The following GMDS variants were observed in gnomAD, a reference collection of about 807,000 sequenced individuals.
The protein encoded by GMDS is GDP-mannose 4,6-dehydratase.
Under a neutral mutation model 49.9 loss-of-function variants are expected in GMDS, and 20 were observed. That is an observed-to-expected ratio of 0.40 (90% CI 0.28 to 0.58). GMDS has a LOEUF of 0.58. Among genes scored for constraint, GMDS ranks in the 20% least tolerant of loss-of-function variants. The pLI is 0.42. For synonymous variants in GMDS, 177 were observed against 178.6 expected, an observed-to-expected ratio of 0.99 and a Z score of 0.07; for missense variants, 362 against 481.4, an observed-to-expected ratio of 0.75 and a Z score of 2.32.
intron 7 of GMDS, among the ~76,000 whole-genome samples, chr6:1,820,494 T>A (rs1770846142): frequency 1.3e-5 from 2 of 152,194 alleles, no homozygotes; most frequent in Non-Finnish European, 1.5e-5. Context: ...CCTATAAAAT[T>A]TAGAATAACT....
intron 7 of GMDS, among the ~76,000 whole-genome samples, chr6:1,760,641 A>G (rs1768122400): frequency 1.3e-5 from 2 of 152,202 alleles, no homozygotes; most frequent in African/African-American, 4.8e-5. Flanking sequence ...CTGGGAACCT[A>G]GTGTCCTATG....
At chr6:1,920,473 T>C (rs772378834) in intron 7 of GMDS, among the ~76,000 whole-genome samples, 2 of 152,200 alleles carry the variant, frequency 1.3e-5, no homozygotes, top group Admixed American at 6.5e-5. Context: ...GCAAGAGAGA[T>C]AGAGTGATTA....
At chr6:1,862,860 T>A (rs1007957321) in intron 7 of GMDS, among the ~76,000 whole-genome samples, 1 of 152,190 alleles carries the variant, frequency 6.6e-6, no homozygotes, top group African/African-American at 2.4e-5. Flanking sequence ...ATAACACTTA[T>A]GAGTAAGTCT....
chr6:2,221,417 G>A (rs1780582180), intron 1 of GMDS, among the ~76,000 whole-genome samples: 1 of 151,074 alleles, frequency 6.6e-6, no homozygotes, highest in Non-Finnish European at 1.5e-5. Flanking sequence ...GTCTTGCTCT[G>A]TCACCCAGGC....
chr6:2,060,157 G>A (rs1463189754), intron 4 of GMDS, among the ~76,000 whole-genome samples: 1 of 152,158 alleles, frequency 6.6e-6, no homozygotes, highest in Non-Finnish European at 1.5e-5. Flanking sequence ...GTGAAAAACT[G>A]ACTGGGATCA....
intron 7 of GMDS, among the ~76,000 whole-genome samples, chr6:1,823,663 T>C (rs1770986288): frequency 6.6e-6 from 1 of 152,182 alleles, no homozygotes; most frequent in South Asian, 2.1e-4. Flanking sequence ...TTTTACATAC[T>C]GTTTTCCAGT....
chr6:1,940,521 G>A (rs888390352), intron 6 of GMDS, among the ~76,000 whole-genome samples: 4 of 152,196 alleles, frequency 2.6e-5, no homozygotes, highest in African/African-American at 4.8e-5. Context: ...CACTGAGAAG[G>A]TCATGGCTGA....
intron 1 of GMDS, among the ~76,000 whole-genome samples, chr6:2,171,442 T>C (rs1778001864): frequency 6.6e-6 from 1 of 152,058 alleles, no homozygotes; most frequent in African/African-American, 2.4e-5. Context: ...GACAAGCAAA[T>C]GGCAAAAATA....
intron 7 of GMDS, among the ~76,000 whole-genome samples, chr6:1,925,054 T>C (rs1330398831): frequency 1.3e-5 from 2 of 152,216 alleles, no homozygotes; most frequent in African/African-American, 4.8e-5. Context: ...TGTAAGCCAT[T>C]AGCACTACAG....
intron 7 of GMDS, among the ~76,000 whole-genome samples, chr6:1,804,319 C>T (rs569474157): frequency 1.3e-5 from 2 of 152,354 alleles, no homozygotes; most frequent in Admixed American, 6.5e-5. Context: ...CTAAAGAGGC[C>T]GTGGAAGCCA....
intron 1 of GMDS, among the ~76,000 whole-genome samples, chr6:2,146,108 G>A (rs1275385700): frequency 2.6e-5 from 4 of 152,112 alleles, no homozygotes; most frequent in Admixed American, 1.3e-4. Context: ...GCGAAATAAC[G>A]TTTCACACCT....
At chr6:1,837,971 A>C (rs1757000262) in intron 7 of GMDS, among the ~76,000 whole-genome samples, 1 of 152,176 alleles carries the variant, frequency 6.6e-6, no homozygotes. Context: ...TTGACAAATA[A>C]AAGCATTGCT....
intron 1 of GMDS, among the ~76,000 whole-genome samples, chr6:2,156,608 TA>T (rs537541833): frequency 2.0e-5 from 3 of 151,950 alleles, no homozygotes; most frequent in African/African-American, 4.8e-5. Flanking sequence ...TTTTAAGAAA[TA>T]AAAAAAACTT....
chr6:2,023,928 G>C (rs1458604407), intron 4 of GMDS, among the ~76,000 whole-genome samples: 3 of 152,176 alleles, frequency 2.0e-5, no homozygotes, highest in Non-Finnish European at 4.4e-5. Flanking sequence ...AGGAGACATG[G>C]TTGAGAATTT....
intron 7 of GMDS, among the ~76,000 whole-genome samples, chr6:1,893,193 C>CTTTTTT (rs1197199049): frequency 7.8e-6 from 1 of 127,494 alleles, no homozygotes. Flanking sequence ...TTTTTGTTTT[C>CTTTTTT]TTTTTTTTTT....
intron 1 of GMDS, among the ~76,000 whole-genome samples, chr6:2,213,732 C>T (rs182283563): frequency 9.2e-5 from 14 of 152,164 alleles, no homozygotes; most frequent in East Asian, 7.7e-4. Flanking sequence ...GAAGAAAGCA[C>T]AGTGGGGTCT....
rs541877216 is a variant in GMDS, at chr6:1,635,049, C to A, written c.988-10509G>T. The stretch of plus-strand genomic sequence containing the variant: ...CCTAGTGGAGTCTGCGTGTGCCTCT[C>A]ACCACAGCCCTGCCAGCATTACGTG... On this transcript the variant is annotated intron_variant, in intron 9 of 10. Transcript: ENST00000380815. This position sits in a 1 kb window ranked among gnomAD's most constrained non-coding sequence, Gnocchi z 4.7. 7.2e-5 allele frequency among the ~76,000 whole-genome samples: 11 copies of A among 152,326 alleles called. No homozygotes were observed. The highest frequency in any genetic ancestry group is 2.6e-4 in the African/African-American group (11 of 41,566).
intron 4 of GMDS, among the ~76,000 whole-genome samples, chr6:2,024,927 G>C (rs1768492979): frequency 6.6e-6 from 1 of 151,900 alleles, no homozygotes; most frequent in Non-Finnish European, 1.5e-5. Context: ...GTCACAAAAA[G>C]AAAGTTGATT....
At chr6:2,216,772 G>T (rs1437573759) in intron 1 of GMDS, among the ~76,000 whole-genome samples, 1 of 152,126 alleles carries the variant, frequency 6.6e-6, no homozygotes, top group African/African-American at 2.4e-5. Flanking sequence ...AGCCCTTTGT[G>T]CTATCCCTTT....
Sources: allele counts gnomAD v4.1 joint callset (sites outside exome capture counted in the v4.1 genomes callset), GRCh38; gene constraint gnomAD v4.1.1; non-coding constraint Gnocchi (gnomAD v3.1); transcripts MANE v1.5; gene names NCBI Gene and HGNC (gene_info 2026-07-23, HGNC 2026-07-21).